R3HDM1: variants seen among roughly 807,000 people sequenced by gnomAD.
R3HDM1 encodes R3H domain containing 1.
A neutral mutation model predicts 141.1 loss-of-function variants in R3HDM1; 46 were observed. That is an observed-to-expected ratio of 0.33 (90% CI 0.26 to 0.42). The LOEUF (loss-of-function observed/expected upper bound fraction) is 0.42, where lower values mean the gene tolerates loss of function less well. Among genes scored for constraint, R3HDM1 ranks in the 10% least tolerant of loss-of-function variants. R3HDM1 has a pLI of 1.00. For missense variants in R3HDM1, 1,184 were observed against 1,368.3 expected, an observed-to-expected ratio of 0.87 and a Z score of 2.12; for synonymous variants, 435 against 472.9, an observed-to-expected ratio of 0.92 and a Z score of 1.04.
chr2:135,668,366 T>C (rs1391512280), intron 19 of R3HDM1, among the ~76,000 whole-genome samples: 1 of 152,232 alleles, frequency 6.6e-6, no homozygotes, highest in African/African-American at 2.4e-5. Flanking sequence ...TAATTCAAAA[T>C]TATATACTTT....
intron 1 of R3HDM1, among the ~76,000 whole-genome samples, chr2:135,552,322 A>G (rs1284786522): frequency 2.6e-5 from 4 of 151,902 alleles, no homozygotes; most frequent in African/African-American, 9.7e-5. Context: ...CAGCCTCCCA[A>G]ATAGCTGGGA....
chr2:135,538,916 A>T (rs1349297394), intron 1 of R3HDM1, among the ~76,000 whole-genome samples: 4 of 144,346 alleles, frequency 2.8e-5, no homozygotes, highest in Admixed American at 2.0e-4. Flanking sequence ...GCCTGGCTTA[A>T]AAGTTTTTGT....
At chr2:135,553,742 A>C (rs1439295723) in intron 1 of R3HDM1, among the ~76,000 whole-genome samples, 4 of 152,188 alleles carry the variant, frequency 2.6e-5, no homozygotes, top group Non-Finnish European at 4.4e-5. Context: ...CCCAGGCTGG[A>C]GTGCAGTGGA....
chr2:135,661,429 A>C (rs970593540), intron 19 of R3HDM1, 36 bp downstream of exon 19: 61 of 1,605,256 alleles, frequency 3.8e-5, no homozygotes, highest in Non-Finnish European at 5.2e-5. Context: ...CTTCTGAGCC[A>C]CACTTTTTTC....
chr2:135,547,771 T>C (rs1360042134), intron 1 of R3HDM1, among the ~76,000 whole-genome samples: 5 of 144,264 alleles, frequency 3.5e-5, no homozygotes, highest in East Asian at 2.0e-4. Context: ...TCTTTTCTTT[T>C]TTTTTTTTTT....
At chr2:135,693,862 G>A (rs7574366) in intron 21 of R3HDM1, among the ~76,000 whole-genome samples, 18,377 of 151,866 alleles carry the variant, frequency 0.12, 1,355 homozygotes, top group South Asian at 0.32. Flanking sequence ...AGAATTAGCC[G>A]GGCTTGGTGG....
At chr2:135,687,580 AAATCATAGAG>A (rs1395965461) in intron 21 of R3HDM1, among the ~76,000 whole-genome samples, 7 of 150,454 alleles carry the variant, frequency 4.7e-5, no homozygotes, top group Non-Finnish European at 8.9e-5. Flanking sequence ...AAGCTTGAAG[AAATCATAGAG>A]AATCATTAGT....
intron 19 of R3HDM1, among the ~76,000 whole-genome samples, chr2:135,665,876 A>AG (rs1205166522): frequency 7.9e-5 from 12 of 152,310 alleles, no homozygotes; most frequent in Admixed American, 7.9e-4. Context: ...ATGCATTTGA[A>AG]GCTACTTGGT....
Position 135,707,694 on chromosome 2 carries a change from A to G in R3HDM1, c.2460-1739A>G, listed in dbSNP as rs140088361. 5.6e-3 allele frequency among the ~76,000 whole-genome samples: 854 copies of G among 152,322 alleles called. 11 individuals are homozygous for G. The highest frequency in any genetic ancestry group is 0.02 in the African/African-American group (820 of 41,560). The stretch of plus-strand genomic sequence containing the variant: ...GTTCACATGGGTTAGAACAGAGCCT[A>G]AAAAACCTTCCACCTCTGGGGACCT... On this transcript the variant is annotated intron_variant, in intron 21 of 26. Transcript: ENST00000683871.
intron 1 of R3HDM1, among the ~76,000 whole-genome samples, chr2:135,540,601 T>C (rs1697271330): frequency 6.6e-6 from 1 of 152,178 alleles, no homozygotes; most frequent in Admixed American, 6.5e-5. Flanking sequence ...TTTATTTTTG[T>C]AGGGACAGGG....
chr2:135,679,948 C>T (rs569954282), intron 20 of R3HDM1, among the ~76,000 whole-genome samples: 214 of 152,144 alleles, frequency 1.4e-3, no homozygotes, highest in African/African-American at 5.0e-3. Context: ...GGCATGGTAG[C>T]GCATGCCTGT....
chr2:135,635,535 A>G (rs2063168121), intron 9 of R3HDM1, among the ~76,000 whole-genome samples: 1 of 152,354 alleles, frequency 6.6e-6, no homozygotes, highest in East Asian at 1.9e-4. Flanking sequence ...CCTAAGAAGT[A>G]GGTACACTAT....
intron 1 of R3HDM1, among the ~76,000 whole-genome samples, chr2:135,537,699 C>T (rs1479423592): frequency 6.8e-6 from 1 of 147,520 alleles, no homozygotes; most frequent in East Asian, 2.0e-4. Context: ...CTCTGTCGCC[C>T]AGGGTGGAGT....
At chr2:135,691,230 A>G (rs1335199046) in intron 21 of R3HDM1, among the ~76,000 whole-genome samples, 1 of 152,168 alleles carries the variant, frequency 6.6e-6, no homozygotes, top group African/African-American at 2.4e-5. Flanking sequence ...CACCAAAGTC[A>G]TTTTTCAGTG....
intron 21 of R3HDM1, among the ~76,000 whole-genome samples, chr2:135,702,489 T>A (rs955072018): frequency 6.6e-6 from 1 of 151,400 alleles, no homozygotes; most frequent in African/African-American, 2.4e-5. Context: ...TGAAACCCCA[T>A]CTCTACTAAA....
intron 7 of R3HDM1, among the ~76,000 whole-genome samples, chr2:135,631,201 G>A (rs575490918): frequency 6.6e-6 from 1 of 152,004 alleles, no homozygotes; most frequent in Admixed American, 6.6e-5. Flanking sequence ...ATGTTCTTTA[G>A]AATACTGTTT....
At chr2:135,698,252 C>CGGGTT (rs1309958808) in intron 21 of R3HDM1, among the ~76,000 whole-genome samples, 1 of 151,300 alleles carries the variant, frequency 6.6e-6, no homozygotes, top group Admixed American at 6.6e-5. Flanking sequence ...CTCCGCCTCC[C>CGGGTT]GGGTTCACGC....
chr2:135,667,825 T>G (rs2067764902), intron 19 of R3HDM1: 1 of 890,242 alleles, frequency 1.1e-6, no homozygotes, highest in Non-Finnish European at 1.3e-6. Context: ...CTATGAGAAC[T>G]CTGTACCCAC....
At chr2:135,671,717 T>C (rs944671804) in intron 19 of R3HDM1, among the ~76,000 whole-genome samples, 1 of 151,958 alleles carries the variant, frequency 6.6e-6, no homozygotes, top group Non-Finnish European at 1.5e-5. Flanking sequence ...GGCTCATGCC[T>C]ATAATCGCAG....
Sources: allele counts gnomAD v4.1 joint callset (sites outside exome capture counted in the v4.1 genomes callset), GRCh38; gene constraint gnomAD v4.1.1; transcripts MANE v1.5; gene names NCBI Gene and HGNC (gene_info 2026-07-23, HGNC 2026-07-21).